The following BCL6B variants were observed in gnomAD, a reference collection of about 807,000 sequenced individuals.
BCL6B encodes B-cell CLL/lymphoma 6 member B protein.
Under a neutral mutation model 44.6 loss-of-function variants are expected in BCL6B, and 28 were observed. The ratio of observed to expected loss-of-function variants is 0.63; its 90% CI spans 0.47 to 0.86. The LOEUF (loss-of-function observed/expected upper bound fraction) is 0.86. Among genes scored for constraint, BCL6B ranks in the 40% least tolerant of loss-of-function variants. The probability of loss-of-function intolerance (pLI) is 0.00; values close to 1 mark genes in which losing one functional copy is unlikely to be tolerated. For synonymous variants in BCL6B, 268 were observed against 263.6 expected (o/e 1.02, Z -0.16); for missense variants, 626 against 652.3 (o/e 0.96, Z 0.44).
intron 8 of BCL6B, 38 bp from the exon 9 acceptor site, chr17:7,027,465 T>C (rs1026092495): frequency 2.5e-6 from 4 of 1,611,078 alleles, no homozygotes; most frequent in Non-Finnish European, 3.4e-6. Flanking sequence ...AAGGTGATTG[T>C]GGATGGGGCA....
intron 8 of BCL6B, 71 bp from the exon 9 acceptor site, chr17:7,027,432 C>G: frequency 6.4e-7 from 1 of 1,555,550 alleles, no homozygotes; most frequent in Non-Finnish European, 8.8e-7. Context: ...GAGAGCTGGA[C>G]GGCCGCCCGG....
At chr17:7,025,241 C>T (rs1910252747) in intron 5 of BCL6B, 41 bp downstream of exon 5, 1 of 1,610,464 alleles carries the variant, frequency 6.2e-7, no homozygotes, top group Admixed American at 1.7e-5. Flanking sequence ...CGTGACTGCT[C>T]CAGGCAAGTT....
chr17:7,023,864 G>A lies in BCL6B; in HGVS notation c.179+14G>A. On this transcript the variant is annotated intron_variant, in intron 2 of 8. Coordinates refer to ENST00000293805, the MANE Select transcript of BCL6B (RefSeq NM_181844.4). ...CATCGCCTGCAGGTTCGAGGGGTGG[G>A]GCCTGGGGCGGGGCCAAATGGGAAA... The A allele has an allele frequency of 6.2e-7, 1 of 1,609,406 alleles. No individual in the cohort carries two copies. The highest frequency in any genetic ancestry group is 8.5e-7 in the Non-Finnish European group (1 of 1,177,514).
rs1910377856 is a variant in BCL6B at position 7,028,844 on chromosome 17, TTCTC to T, written c.*1229_*1232del. Reference sequence around the variant, plus strand: ...ATATGGGTTTGAATGTTACCTGGGGTTCTCTCTATTGAGTTGAGCCCCTTCTTCC... The same window carrying T: ...ATATGGGTTTGAATGTTACCTGGGGTTCTATTGAGTTGAGCCCCTTCTTCC... On this transcript the variant is annotated 3_prime_UTR_variant, in exon 9 of 9. Transcript: ENST00000293805. 1.2e-5 allele frequency: 12 copies of T among 985,458 alleles called. No homozygotes were observed. Among genetic ancestry groups the T allele is most frequent in the Middle Eastern group, 1.0e-3 (2 of 1,914 alleles). 61.0% of individuals were successfully genotyped at this position (985,458 alleles called of 1,614,324 possible).
rs376399344 is a variant in BCL6B, at chr17:7,026,713, C to T, written c.1063C>T (p.Pro355Ser). ...ATGTTCTCTGCCTCCAGGGGAAAAG[C>T]CTTACCACTGCTCAATCTGCGGAGC... ...SHRTVHTGEK[P>S]YHCSICGARF... The change falls in exon 7 of 9, where the codon CCT (proline) becomes TCT (serine). Residue 355 changes from proline (P) to serine (S), a missense_variant. By Grantham distance (74) the Pro-to-Ser change is moderately conservative. Coordinates refer to ENST00000293805, the MANE Select transcript of BCL6B (RefSeq NM_181844.4). 1.2e-6 allele frequency: 2 copies of T among 1,614,252 alleles called. No individual in the cohort carries two copies. The highest frequency in any genetic ancestry group is 1.7e-5 in the Admixed American group (1 of 60,032).
Position 7,028,240 on chromosome 17 carries a change from G to C in BCL6B, c.*621G>C. 6.1e-6 allele frequency: 6 copies of C among 985,782 alleles called. No individual in the cohort carries two copies. Among genetic ancestry groups the C allele is most frequent in the Non-Finnish European group, 7.2e-6 (6 of 830,244 alleles). The allele number at this position is 985,782 out of a possible 1,614,324, so 61.1% of individuals were successfully genotyped here. A position where few individuals can be genotyped will look rare whatever the true frequency, so the allele number is the denominator to read the frequency against. On this transcript the variant is annotated 3_prime_UTR_variant, in exon 9 of 9. Transcript: ENST00000293805. ...TCTGTGTTCTGCCCCTGTAATTCTA[G>C]GTCTGGAACCTTTATTTGTTCTAGG...
In BCL6B at chr17:7,026,699, C is replaced by G. The variant is rs1910299808; in HGVS notation, c.1055-6C>G. The G allele has an allele frequency of 6.2e-7, 1 of 1,614,142 alleles. No homozygotes were observed. Among genetic ancestry groups the G allele is most frequent in the Non-Finnish European group, 8.5e-7 (1 of 1,180,054 alleles). On this transcript the variant is annotated splice_polypyrimidine_tract_variant and splice_region_variant and intron_variant, in intron 6 of 8. Coordinates refer to ENST00000293805, the MANE Select transcript of BCL6B (RefSeq NM_181844.4). The stretch of plus-strand genomic sequence containing the variant: ...GTCCCTGATCTCCCATGTTCTCTGC[C>G]TCCAGGGGAAAAGCCTTACCACTGC...
intron 8 of BCL6B, 27 bp from the exon 9 acceptor site, chr17:7,027,476 G>C: frequency 6.2e-7 from 1 of 1,612,902 alleles, no homozygotes; most frequent in Middle Eastern, 1.7e-4. Context: ...GGATGGGGCA[G>C]GGCCTGACTT....
chr17:7,026,808 T>C lies in BCL6B; in HGVS notation c.1158T>C (p.Cys386=). ...ATTCGGGAGAGAAGCCGTATAAGTG[T>C]GAGACGTGCGGCTCGCGCTTTGTAC... ...RIHSGEKPYK[C]ETCGSRFVQV... is the part of the protein sequence containing the mutation. The change falls in exon 7 of 9, where the codon TGT becomes TGC. Residue 386 remains cysteine, a synonymous_variant. Coordinates refer to ENST00000293805, the MANE Select transcript of BCL6B (RefSeq NM_181844.4). 2.5e-6 allele frequency: 4 copies of C among 1,614,120 alleles called. No individual in the cohort carries two copies. The highest frequency in any genetic ancestry group is 3.4e-6 in the Non-Finnish European group (4 of 1,180,038).
Position 7,024,006 on chromosome 17 carries a change from G to A in BCL6B, c.180-77G>A. 1.9e-6 allele frequency: 3 copies of A among 1,548,922 alleles called. No homozygotes were observed. Among genetic ancestry groups the A allele is most frequent in the South Asian group, 1.1e-5 (1 of 87,884 alleles). On this transcript the variant is annotated intron_variant, in intron 2 of 8. Transcript: ENST00000293805. The surrounding 1 kb of genome is among the most constrained non-coding windows in gnomAD (Gnocchi z 6.6). ...TAGTGAGGAGGCGGGACTTTTTCAG[G>A]GGGCGGGGCTTCCTGAAGCTGCGCA...
At chr17:7,026,371 C>A in intron 5 of BCL6B, 86 bp from the exon 6 acceptor site, 1 of 1,496,738 alleles carries the variant, frequency 6.7e-7, no homozygotes, top group Non-Finnish European at 9.1e-7. Flanking sequence ...AACAGAAAGC[C>A]TGCTACTGTG....
Position 7,024,579 on chromosome 17 carries a change from T to G in BCL6B, c.580T>G (p.Trp194Gly), listed in dbSNP as rs1475870163. ...CAGCCCTGACCCCAAGGCCTGCAAC[T>G]GGAAAAAGTACAAGTACATCGTGCT... ...PASPDPKACN[W>G]KKYKYIVLNS... Residue 194 changes from tryptophan to glycine, a missense_variant, in exon 4 of 9, where the codon TGG (tryptophan) becomes GGG (glycine). Physicochemically the swap from Trp to Gly is radical, Grantham distance 184 (BLOSUM62 -2). Transcript: ENST00000293805. This position sits in a 1 kb window ranked among gnomAD's most constrained non-coding sequence, Gnocchi z 6.6. The G allele has an allele frequency of 6.2e-7, 1 of 1,613,912 alleles. No homozygotes were observed. Among genetic ancestry groups the G allele is most frequent in the East Asian group, 2.2e-5 (1 of 44,856 alleles).
rs1910379481 is a variant in BCL6B at position 7,028,891 on chromosome 17, ATCT to A, written c.*1276_*1278del. 6.1e-6 allele frequency: 6 copies of A among 985,318 alleles called. No individual in the cohort carries two copies. Among genetic ancestry groups the A allele is most frequent in the Non-Finnish European group, 7.2e-6 (6 of 829,948 alleles). The allele number at this position is 985,318 out of a possible 1,614,324, so 61.0% of individuals were successfully genotyped here. A position where few individuals can be genotyped will look rare whatever the true frequency, so the allele number is the denominator to read the frequency against. ...CTTCTTCCTTTAGTGGGTTTTGGAC[ATCT>A]TCTGGCAAGTGTCCAGATGCCAGAA... On this transcript the variant is annotated 3_prime_UTR_variant, in exon 9 of 9. Transcript: ENST00000293805.
In BCL6B at chr17:7,024,654, G is replaced by A; in HGVS notation, c.655G>A (p.Gly219Ser). 15 of 1,613,966 alleles carry A rather than the reference G, an allele frequency of 9.3e-6. No individual in the cohort carries two copies. The highest frequency in any genetic ancestry group is 1.2e-5 in the Non-Finnish European group (14 of 1,179,982). ...AGSLVGERSS[G>S]QPCPQARLPS... ...GAGCCTGGTCGGGGAGAGAAGTTCT[G>A]GTCAACCTTGCCCCCAAGCCAGGCT... Residue 219 changes from glycine to serine, a missense_variant, in exon 4 of 9, where the codon GGT (glycine) becomes AGT (serine). Gly to Ser is a moderately conservative substitution (Grantham distance 56). Transcript: ENST00000293805. The surrounding 1 kb of genome is among the most constrained non-coding windows in gnomAD (Gnocchi z 6.6).
At chr17:7,025,452 T>A (rs972598542) in intron 5 of BCL6B, among the ~76,000 whole-genome samples, 1 of 152,242 alleles carries the variant, frequency 6.6e-6, no homozygotes, top group African/African-American at 2.4e-5. Flanking sequence ...TGAGAATTTC[T>A]GGCCTATCCC....
intron 5 of BCL6B, 86 bp downstream of exon 5, chr17:7,025,286 A>G (rs1910254344): frequency 2.6e-6 from 4 of 1,536,290 alleles, no homozygotes; most frequent in Admixed American, 1.9e-5. Context: ...GCCTATTCCA[A>G]TGGTTCCTAA....
In BCL6B at chr17:7,026,496, C is replaced by G; in HGVS notation, c.929C>G (p.Ala310Gly). The G allele has an allele frequency of 6.2e-7, 1 of 1,614,194 alleles. No homozygotes were observed. The highest frequency in any genetic ancestry group is 8.5e-7 in the Non-Finnish European group (1 of 1,180,008). Residue 310 changes from alanine to glycine, a missense_variant, in exon 6 of 9, where the codon GCA becomes GGA. By Grantham distance (60) the Ala-to-Gly change is moderately conservative. Transcript: ENST00000293805. ...FFSCQNCEAV[A>G]GCSSGLDSLV... ...AGCTGCCAGAACTGTGAGGCTGTGG[C>G]AGGGTGCTCATCGGGGCTGGACTCC...
rs776129332 is a variant in BCL6B at position 7,027,071 on chromosome 17, G to C, written c.1307G>C (p.Gly436Ala). The change falls in exon 8 of 9, where the codon GGA becomes GCA. Residue 436 changes from glycine to alanine, a missense_variant. Transcript: ENST00000293805. ...TLKSHVRIHT[G>A]EKPYHCDPCG... ...AAGAGCCACGTTCGCATCCACACCG[G>C]AGAGAAGCCTTACCACGTGGGTACC... is the stretch of plus-strand genomic sequence containing the variant. The C allele has an allele frequency of 6.2e-7, 1 of 1,613,992 alleles. No homozygotes were observed.
rs762380355 is a variant in BCL6B, at chr17:7,023,691, C to A, written c.20C>A (p.Pro7Gln). 1 of 1,612,782 alleles carries A rather than the reference C, an allele frequency of 6.2e-7. No homozygotes were observed. The highest frequency in any genetic ancestry group is 1.1e-5 in the South Asian group (1 of 91,044). MGSPAAPEGALGYVREF... is the reference protein window; with the variant it reads MGSPAAQEGALGYVREF... Reference sequence around the variant, plus strand: ...GTCGCTATGGGTTCCCCCGCCGCCCCGGAGGGAGCGCTGGGCTACGTCCGC... The same window carrying A: ...GTCGCTATGGGTTCCCCCGCCGCCCAGGAGGGAGCGCTGGGCTACGTCCGC... Residue 7 changes from proline to glutamine, a missense_variant, in exon 2 of 9, where the codon CCG (proline) becomes CAG (glutamine). By Grantham distance (76) the Pro-to-Gln change is moderately conservative. Transcript: ENST00000293805.
Sources: gnomAD v4.1 joint callset for allele counts (sites outside exome capture counted in the v4.1 genomes callset) on GRCh38, gnomAD v4.1.1 for gene constraint, Gnocchi (gnomAD v3.1) non-coding constraint, MANE v1.5 for transcripts, NCBI Gene and HGNC (gene_info 2026-07-23, HGNC 2026-07-21) for gene names.